ZMAT4: variants seen among roughly 807,000 people sequenced by gnomAD.
ZMAT4 encodes the protein zinc finger matrin-type 4, also known as zinc finger matrin-type protein 4.
Under a neutral mutation model 28.7 loss-of-function variants are expected in ZMAT4, and 17 were observed. That is an observed-to-expected ratio of 0.59 (90% CI 0.41 to 0.89). The LOEUF (loss-of-function observed/expected upper bound fraction) is 0.89. Among genes scored for constraint, ZMAT4 ranks in the 40% least tolerant of loss-of-function variants. The pLI, the probability that ZMAT4 is intolerant of heterozygous loss-of-function variation, is 0.00. For missense variants in ZMAT4, 240 were observed against 283.8 expected (o/e 0.85, Z 1.11); for synonymous variants, 117 against 109.2 (o/e 1.07, Z -0.44).
intron 6 of ZMAT4, among the ~76,000 whole-genome samples, chr8:40,539,263 G>T (rs1412397053): frequency 6.6e-6 from 1 of 152,074 alleles, no homozygotes; most frequent in Non-Finnish European, 1.5e-5. Flanking sequence ...ATAATCTTTT[G>T]TAAATAAACA....
intron 5 of ZMAT4, among the ~76,000 whole-genome samples, chr8:40,601,635 A>G (rs1269309714): frequency 2.6e-5 from 1 of 38,210 alleles, no homozygotes; most frequent in East Asian, 1.2e-3. Flanking sequence ...AGAAAGAAAG[A>G]GAAAGAAAGA....
chr8:40,673,783 C>T (rs971440762), intron 5 of ZMAT4, among the ~76,000 whole-genome samples: 2 of 152,116 alleles, frequency 1.3e-5, no homozygotes. Flanking sequence ...GTAATCCTCA[C>T]GCTATGTTTT....
chr8:40,606,029 T>G (rs1311457926), intron 5 of ZMAT4, among the ~76,000 whole-genome samples: 1 of 152,190 alleles, frequency 6.6e-6, no homozygotes, highest in African/African-American at 2.4e-5. Context: ...ATGGAATATC[T>G]TTTTCCACCC....
At chr8:40,575,420 G>A (rs1363581131) in intron 6 of ZMAT4, among the ~76,000 whole-genome samples, 1 of 152,056 alleles carries the variant, frequency 6.6e-6, no homozygotes, top group Non-Finnish European at 1.5e-5. Context: ...CTCAGAGCCA[G>A]CTGACCCACC....
At chr8:40,607,089 T>C (rs538851960) in intron 5 of ZMAT4, among the ~76,000 whole-genome samples, 9 of 150,950 alleles carry the variant, frequency 6.0e-5, no homozygotes, top group African/African-American at 2.2e-4. Flanking sequence ...TCTATTTCTC[T>C]GAAGATTTTT....
intron 1 of ZMAT4, among the ~76,000 whole-genome samples, chr8:40,861,405 C>T (rs1457081450): frequency 6.6e-6 from 1 of 152,186 alleles, no homozygotes; most frequent in African/African-American, 2.4e-5. Context: ...CTTCCTTACA[C>T]CTTATACAAA....
At position 40,862,460 on chromosome 8, in the gene ZMAT4, A is replaced by G. The variant is rs1373074225; in HGVS notation, c.-5+35223T>C. On this transcript the variant is annotated intron_variant, in intron 1 of 6. Transcript: ENST00000297737. ...GGGGAGGGATAGCATTGGGAGATATACCTAATGCTAGACGACACGTTAGTG... is the reference window on the plus strand; with the variant it reads ...GGGGAGGGATAGCATTGGGAGATATGCCTAATGCTAGACGACACGTTAGTG... 1.7e-4 allele frequency among the ~76,000 whole-genome samples: 26 copies of G among 148,830 alleles called. No homozygotes were observed. The South Asian group carries it at 5.5e-3, about 32-fold the overall frequency.
chr8:40,699,528 A>G (rs1244488043), intron 3 of ZMAT4, among the ~76,000 whole-genome samples: 6 of 152,172 alleles, frequency 3.9e-5, no homozygotes, highest in Admixed American at 3.9e-4. Context: ...AGCACTATTC[A>G]CAATAGCAAA....
chr8:40,845,591 C>G (rs1393432142), intron 1 of ZMAT4, among the ~76,000 whole-genome samples: 4 of 151,702 alleles, frequency 2.6e-5, no homozygotes, highest in Non-Finnish European at 5.9e-5. Flanking sequence ...TGTAATCTAA[C>G]TACAGGCAAG....
chr8:40,876,513 G>T (rs563970335), intron 1 of ZMAT4, among the ~76,000 whole-genome samples: 90 of 151,896 alleles, frequency 5.9e-4, no homozygotes, highest in Admixed American at 2.8e-3. Flanking sequence ...ATGAGGTCTC[G>T]CTGTGTTGCT....
chr8:40,552,313 C>T (rs1803391012), intron 6 of ZMAT4, among the ~76,000 whole-genome samples: 1 of 152,140 alleles, frequency 6.6e-6, no homozygotes, highest in African/African-American at 2.4e-5. Flanking sequence ...GCTTAGTCCA[C>T]CTTCAGGTCT....
At chr8:40,825,465 G>T in intron 2 of ZMAT4, 110 bp downstream of exon 2, 1 of 862,078 alleles carries the variant, frequency 1.2e-6, no homozygotes, top group South Asian at 1.6e-5. Context: ...CAAGTCCTGT[G>T]GTTCTTCAAA....
intron 5 of ZMAT4, among the ~76,000 whole-genome samples, chr8:40,634,972 G>T (rs1028899257): frequency 2.6e-5 from 4 of 152,148 alleles, no homozygotes; most frequent in Non-Finnish European, 5.9e-5. Flanking sequence ...GGGTTTTGTA[G>T]CAATATTTCT....
intron 6 of ZMAT4, among the ~76,000 whole-genome samples, chr8:40,558,433 G>A (rs1563339486): frequency 6.6e-6 from 1 of 152,074 alleles, no homozygotes; most frequent in Non-Finnish European, 1.5e-5. Context: ...CAAGGGACTA[G>A]CAGGGGAAAG....
intron 3 of ZMAT4, among the ~76,000 whole-genome samples, chr8:40,755,124 C>A (rs989070474): frequency 2.6e-5 from 4 of 152,182 alleles, no homozygotes; most frequent in African/African-American, 9.7e-5. Flanking sequence ...TCAAACTTTT[C>A]TCTGAAAAGA....
intron 1 of ZMAT4, among the ~76,000 whole-genome samples, chr8:40,833,659 G>C (rs894550537): frequency 3.3e-5 from 5 of 151,840 alleles, no homozygotes; most frequent in African/African-American, 1.2e-4. Context: ...CCCCACTCCC[G>C]GGACCACCGG....
intron 5 of ZMAT4, among the ~76,000 whole-genome samples, chr8:40,631,338 A>G (rs1398750343): frequency 6.6e-6 from 1 of 152,078 alleles, no homozygotes; most frequent in East Asian, 1.9e-4. Flanking sequence ...TTGTATTTTT[A>G]GTAGAGATGG....
At position 40,881,439 on chromosome 8, in the gene ZMAT4, GAAAGAAAGAAAGAAAGAA is replaced by G. The variant is rs1563263303; in HGVS notation, c.-5+16226_-5+16243del. 7.1e-3 allele frequency among the ~76,000 whole-genome samples: 568 copies of G among 79,564 alleles called. 12 individuals are homozygous for G. The highest frequency in any genetic ancestry group is 0.019 in the African/African-American group (435 of 22,714). 52.2% of individuals were successfully genotyped at this position (79,564 alleles called of 152,430 possible). A position where few individuals can be genotyped will look rare whatever the true frequency, so the allele number is the denominator to read the frequency against. On this transcript the variant is annotated intron_variant, in intron 1 of 6. Transcript: ENST00000297737. ...GGAAGAAAAAGAAGAAAGAGAGAAAGAAAGAAAGAAAGAAAGAAAGAAAGAAAGAAAGAAAGAAAGAAA... is the reference window on the plus strand; with the variant it reads ...GGAAGAAAAAGAAGAAAGAGAGAAAGAGAAAGAAAGAAAGAAAGAAAGAAA...
intron 1 of ZMAT4, among the ~76,000 whole-genome samples, chr8:40,860,786 G>T (rs1011179719): frequency 6.6e-6 from 1 of 152,210 alleles, no homozygotes; most frequent in Non-Finnish European, 1.5e-5. Flanking sequence ...GCTCTGCCTG[G>T]TCGTCCTGGA....
Sources: allele counts gnomAD v4.1 joint callset (sites outside exome capture counted in the v4.1 genomes callset), GRCh38; gene constraint gnomAD v4.1.1; transcripts MANE v1.5; gene names NCBI Gene and HGNC (gene_info 2026-07-23, HGNC 2026-07-21).